Variants in STXBP4 observed in about 807,000 individuals in gnomAD.
STXBP4 encodes syntaxin binding protein 4, also known as syntaxin-binding protein 4.
Under a neutral mutation model 76.1 loss-of-function variants are expected in STXBP4, and 55 were observed. The ratio of observed to expected loss-of-function variants is 0.72; its 90% CI spans 0.58 to 0.91. The LOEUF (loss-of-function observed/expected upper bound fraction) is 0.91, where lower values mean the gene tolerates loss of function less well. Ranked by LOEUF, STXBP4 falls within the 40% of genes least tolerant of loss-of-function variation. STXBP4 has a pLI of 0.00. For missense variants in STXBP4, 618 were observed against 636.9 expected, an observed-to-expected ratio of 0.97 and a Z score of 0.32; for synonymous variants, 201 against 220.2, an observed-to-expected ratio of 0.91 and a Z score of 0.77.
At chr17:55,046,792 T>C (rs1451201648) in intron 11 of STXBP4, among the ~76,000 whole-genome samples, 1 of 151,966 alleles carries the variant, frequency 6.6e-6, no homozygotes, top group East Asian at 1.9e-4. Context: ...AATGATAGCT[T>C]AACCAAAATT....
intron 17 of STXBP4, among the ~76,000 whole-genome samples, chr17:55,145,295 G>A (rs1185707741): frequency 6.6e-6 from 1 of 152,188 alleles, no homozygotes; most frequent in Non-Finnish European, 1.5e-5. Context: ...TATAGATGAT[G>A]CTTTGAAGGC....
At chr17:54,984,711 A>G (rs560315983) in intron 1 of STXBP4, among the ~76,000 whole-genome samples, 1 of 152,096 alleles carries the variant, frequency 6.6e-6, no homozygotes, top group Non-Finnish European at 1.5e-5. Flanking sequence ...TTTGTTGTGA[A>G]TCAGTTGCTG....
chr17:55,127,215 T>A (rs985877203), intron 16 of STXBP4, among the ~76,000 whole-genome samples: 1 of 152,220 alleles, frequency 6.6e-6, no homozygotes, highest in Non-Finnish European at 1.5e-5. Context: ...TTTTCTGAAA[T>A]GTGGAATAAA....
chr17:55,019,992 G>C (rs1042616252), intron 8 of STXBP4, among the ~76,000 whole-genome samples: 2 of 152,128 alleles, frequency 1.3e-5, no homozygotes, highest in Non-Finnish European at 2.9e-5. Flanking sequence ...TCCAGGTGTT[G>C]ATTTCTCTTA....
the STXBP4 span, among the ~76,000 whole-genome samples, chr17:55,185,305 CCTT>C: frequency 1.8e-5 from 2 of 112,806 alleles, no homozygotes; most frequent in African/African-American, 3.6e-5. Flanking sequence ...TTCTCCTTCT[CCTT>C]CTCCTTCTCC....
intron 8 of STXBP4, among the ~76,000 whole-genome samples, chr17:55,011,963 G>T (rs904962016): frequency 2.0e-5 from 3 of 152,170 alleles, no homozygotes; most frequent in African/African-American, 7.2e-5. Context: ...CTCAGGAGGG[G>T]TGCCTTCGAT....
chr17:55,036,083 A>T (rs1304776788), intron 10 of STXBP4, among the ~76,000 whole-genome samples: 1 of 152,010 alleles, frequency 6.6e-6, no homozygotes, highest in East Asian at 1.9e-4. Context: ...TGTAGTCGCC[A>T]TGTTGTACAA....
At chr17:55,064,252 C>A (rs1285763386) in intron 12 of STXBP4, among the ~76,000 whole-genome samples, 1 of 152,052 alleles carries the variant, frequency 6.6e-6, no homozygotes, top group Non-Finnish European at 1.5e-5. Flanking sequence ...CATCACAGTT[C>A]TTCAGTATTG....
intron 16 of STXBP4, among the ~76,000 whole-genome samples, chr17:55,113,551 G>A (rs756176449): frequency 6.6e-6 from 1 of 152,046 alleles, no homozygotes; most frequent in Non-Finnish European, 1.5e-5. Flanking sequence ...TGTATGCATA[G>A]TTTTGCTAAA....
At chr17:55,146,993 C>T (rs962798884) in intron 17 of STXBP4, among the ~76,000 whole-genome samples, 19 of 152,178 alleles carry the variant, frequency 1.2e-4, no homozygotes, top group South Asian at 2.1e-4. Flanking sequence ...GTGTAAGAGG[C>T]GCCTACCTAA....
At position 55,170,938 on chromosome 17, in the gene STXBP4, G is replaced by T. The variant is rs180973285; in HGVS notation, c.*11027G>T. The T allele has an allele frequency of 6.6e-6, 1 of 152,314 alleles. No individual in the cohort carries two copies. 9.4% of individuals were successfully genotyped at this position (152,314 alleles called of 1,614,324 possible). ...AGGGCCAAGTTTCATGACAGAGAAA[G>T]ACTGGGGCCAATTCTGTGATTATGG... On this transcript the variant is annotated 3_prime_UTR_variant, in exon 18 of 18. Coordinates refer to ENST00000376352, the MANE Select transcript of STXBP4 (RefSeq NM_178509.6).
chr17:54,984,501 C>T (rs2077597960), intron 1 of STXBP4, among the ~76,000 whole-genome samples: 1 of 151,820 alleles, frequency 6.6e-6, no homozygotes, highest in Non-Finnish European at 1.5e-5. Context: ...GCCACCACGC[C>T]CGGCTAATTT....
At chr17:54,988,237 C>A (rs574336056) in intron 3 of STXBP4, among the ~76,000 whole-genome samples, 1 of 152,078 alleles carries the variant, frequency 6.6e-6, no homozygotes, top group Admixed American at 6.6e-5. Flanking sequence ...ATAGAGAAAA[C>A]GTATTAGCAG....
intron 16 of STXBP4, among the ~76,000 whole-genome samples, chr17:55,091,160 G>A (rs1036122483): frequency 6.6e-6 from 1 of 152,018 alleles, no homozygotes; most frequent in African/African-American, 2.4e-5. Context: ...AGCCATCTGG[G>A]CCTGCCACTA....
chr17:55,147,346 A>G (rs1353501624), intron 17 of STXBP4, among the ~76,000 whole-genome samples: 1 of 152,182 alleles, frequency 6.6e-6, no homozygotes, highest in African/African-American at 2.4e-5. Flanking sequence ...GGGGTTTGCA[A>G]TCCTAATGCC....
At chr17:55,202,736 G>T in the STXBP4 span, among the ~76,000 whole-genome samples, 5 of 152,138 alleles carry the variant, frequency 3.3e-5, no homozygotes, top group Non-Finnish European at 7.4e-5. Context: ...TATCCCTTGA[G>T]ATCCTACCTT....
At position 55,088,315 on chromosome 17, in the gene STXBP4, A is replaced by G. The variant is rs553969791; in HGVS notation, c.1489+7132A>G. On this transcript the variant is annotated intron_variant, in intron 16 of 17. Coordinates refer to ENST00000376352, the MANE Select transcript of STXBP4 (RefSeq NM_178509.6). ...GGTAATTGCCTCTACTTTCTTCTTA[A>G]TATAAGTGTTCTCTAGGATGTTATA... Among the ~76,000 whole-genome samples, 3 of 152,260 alleles carry G rather than the reference A, an allele frequency of 2.0e-5. No homozygotes were observed. In the East Asian group the frequency reaches 5.8e-4, roughly 29 times the overall value.
At chr17:55,124,244 A>G (rs1377579295) in intron 16 of STXBP4, among the ~76,000 whole-genome samples, 1 of 152,178 alleles carries the variant, frequency 6.6e-6, no homozygotes, top group African/African-American at 2.4e-5. Flanking sequence ...AGATGTGCAA[A>G]TTGAGAAAAG....
chr17:55,182,501 G>C, the STXBP4 span, among the ~76,000 whole-genome samples: 3 of 152,212 alleles, frequency 2.0e-5, no homozygotes, highest in East Asian at 5.8e-4. Context: ...TATAATTTGA[G>C]TCTCAGAATA....
Sources: gnomAD v4.1 joint callset for allele counts (sites outside exome capture counted in the v4.1 genomes callset) on GRCh38, gnomAD v4.1.1 for gene constraint, MANE v1.5 for transcripts, NCBI Gene and HGNC (gene_info 2026-07-23, HGNC 2026-07-21) for gene names.